The following ROR1 variants were observed in gnomAD, a reference collection of about 807,000 sequenced individuals.
ROR1 encodes the protein inactive tyrosine-protein kinase transmembrane receptor ROR1.
Under a neutral mutation model 78.8 loss-of-function variants are expected in ROR1, and 19 were observed. The observed-to-expected ratio is 0.24, with a 90% CI of 0.17 to 0.35. The LOEUF is 0.35. ROR1 is among the 10% of genes least tolerant of loss of function. The pLI is 1.00. For synonymous variants in ROR1, 386 were observed against 433.6 expected (o/e 0.89, Z 1.36); for missense variants, 917 against 1,177.8 (o/e 0.78, Z 3.24).
chr1:63,831,217 G>A (rs1038542349), intron 1 of ROR1, among the ~76,000 whole-genome samples: 1 of 152,176 alleles, frequency 6.6e-6, no homozygotes, highest in Non-Finnish European at 1.5e-5. Context: ...AGAGGCTGGT[G>A]GCCCTCTTCT....
intron 2 of ROR1, among the ~76,000 whole-genome samples, chr1:64,031,811 G>A (rs1476899276): frequency 6.6e-6 from 1 of 152,084 alleles, no homozygotes; most frequent in Non-Finnish European, 1.5e-5. Context: ...TTCTTGTGAA[G>A]GCATAGCCTT....
At chr1:63,794,723 C>G (rs1217802715) in intron 1 of ROR1, among the ~76,000 whole-genome samples, 3 of 152,214 alleles carry the variant, frequency 2.0e-5, no homozygotes, top group African/African-American at 7.2e-5. Context: ...AGGAAGCCCA[C>G]TGGAGGAAGC....
At chr1:64,112,583 G>A (rs943039954) in intron 4 of ROR1, among the ~76,000 whole-genome samples, 6 of 152,134 alleles carry the variant, frequency 3.9e-5, no homozygotes, top group Admixed American at 3.3e-4. Flanking sequence ...GAACTTTGTA[G>A]AATAGGATGC....
At chr1:63,816,597 G>C (rs1317370564) in intron 1 of ROR1, among the ~76,000 whole-genome samples, 1 of 152,100 alleles carries the variant, frequency 6.6e-6, no homozygotes, top group Non-Finnish European at 1.5e-5. Flanking sequence ...CATGAAAATG[G>C]ACTAATAGAG....
intron 4 of ROR1, among the ~76,000 whole-genome samples, chr1:64,095,627 G>T (rs1395698228): frequency 1.3e-5 from 2 of 152,098 alleles, no homozygotes; most frequent in African/African-American, 4.8e-5. Context: ...AAAATTAATT[G>T]AATTCTATAG....
chr1:63,874,146 G>A (rs1035019691), intron 1 of ROR1, among the ~76,000 whole-genome samples: 1 of 152,146 alleles, frequency 6.6e-6, no homozygotes, highest in African/African-American at 2.4e-5. Flanking sequence ...ATTAATGAGA[G>A]AGGAACTTGA....
chr1:63,822,933 A>G (rs1251915843), intron 1 of ROR1, among the ~76,000 whole-genome samples: 1 of 152,208 alleles, frequency 6.6e-6, no homozygotes, highest in East Asian at 1.9e-4. Context: ...TGTGGCTACC[A>G]TAAAGGTTAC....
chr1:64,095,647 G>A (rs968081497), intron 4 of ROR1, among the ~76,000 whole-genome samples: 1 of 152,140 alleles, frequency 6.6e-6, no homozygotes, highest in African/African-American at 2.4e-5. Context: ...GTTATCATTT[G>A]TGCAGAATTA....
intron 1 of ROR1, among the ~76,000 whole-genome samples, chr1:63,840,803 C>G (rs1014460255): frequency 1.3e-5 from 2 of 152,090 alleles, no homozygotes; most frequent in African/African-American, 4.8e-5. Flanking sequence ...CTGGGTGAAC[C>G]GGAGTAAGTT....
intron 2 of ROR1, among the ~76,000 whole-genome samples, chr1:64,017,850 G>A (rs1329387879): frequency 6.6e-6 from 1 of 152,170 alleles, no homozygotes; most frequent in Non-Finnish European, 1.5e-5. Flanking sequence ...TTAGAATGAG[G>A]AGAGAGCTTA....
chr1:63,782,055 CTCAT>C (rs1240142170), intron 1 of ROR1, among the ~76,000 whole-genome samples: 2 of 152,190 alleles, frequency 1.3e-5, no homozygotes, highest in African/African-American at 4.8e-5. Flanking sequence ...ACCACCTGCC[CTCAT>C]TCATTCATTG....
intron 4 of ROR1, among the ~76,000 whole-genome samples, chr1:64,072,955 G>A (rs1189481085): frequency 2.6e-5 from 4 of 152,170 alleles, no homozygotes; most frequent in Admixed American, 2.6e-4. Flanking sequence ...ACCCCTACTA[G>A]AGTAGTTGTG....
At chr1:63,858,163 T>G (rs186944001) in intron 1 of ROR1, among the ~76,000 whole-genome samples, 1 of 152,232 alleles carries the variant, frequency 6.6e-6, no homozygotes, top group African/African-American at 2.4e-5. Context: ...CAGCTTTTCC[T>G]TGAAGGTTTA....
At chr1:63,878,855 A>G (rs2100370792) in intron 1 of ROR1, among the ~76,000 whole-genome samples, 2 of 152,226 alleles carry the variant, frequency 1.3e-5, no homozygotes, top group Middle Eastern at 3.4e-3. Context: ...TGCAAACTTC[A>G]GGAGAGTGCA....
intron 4 of ROR1, among the ~76,000 whole-genome samples, chr1:64,134,908 C>CACA (rs1649049355): frequency 6.6e-6 from 1 of 151,960 alleles, no homozygotes; most frequent in Non-Finnish European, 1.5e-5. Flanking sequence ...GCCACCACAC[C>CACA]CAACTAATTT....
intron 1 of ROR1, among the ~76,000 whole-genome samples, chr1:63,994,294 A>C (rs912996858): frequency 1.3e-5 from 2 of 151,974 alleles, no homozygotes; most frequent in African/African-American, 4.8e-5. Context: ...CTAGTTTGAC[A>C]TATGTCTTTT....
At chr1:63,934,678 C>A (rs1341856341) in intron 1 of ROR1, among the ~76,000 whole-genome samples, 1 of 152,104 alleles carries the variant, frequency 6.6e-6, no homozygotes, top group Admixed American at 6.5e-5. Flanking sequence ...TTTGGGTTGG[C>A]TTTGTCAGGG....
chr1:64,164,185 T>A (rs184036686), intron 8 of ROR1, among the ~76,000 whole-genome samples: 1 of 152,278 alleles, frequency 6.6e-6, no homozygotes, highest in East Asian at 1.9e-4. Flanking sequence ...TTGCTCTAGC[T>A]CCCCCTTGAG....
At chr1:63,874,554 A>G (rs1223730337) in intron 1 of ROR1, among the ~76,000 whole-genome samples, 2 of 152,138 alleles carry the variant, frequency 1.3e-5, no homozygotes, top group East Asian at 3.9e-4. Context: ...CTGGGAAAAG[A>G]ATTTCATTGA....
Sources: allele counts gnomAD v4.1 joint callset (sites outside exome capture counted in the v4.1 genomes callset), GRCh38; gene constraint gnomAD v4.1.1; transcripts MANE v1.5; gene names NCBI Gene and HGNC (gene_info 2026-07-23, HGNC 2026-07-21).